Variants in DIAPH2 observed in about 807,000 individuals in gnomAD.
The protein encoded by DIAPH2 is protein diaphanous homolog 2.
A neutral mutation model predicts 92.7 loss-of-function variants in DIAPH2; 35 were observed. That is an observed-to-expected ratio of 0.38 (90% CI 0.29 to 0.50). DIAPH2 has a LOEUF of 0.50. DIAPH2 is among the 20% of genes least tolerant of loss of function. The pLI is 0.94. For synonymous variants in DIAPH2, 301 were observed against 280.4 expected (o/e 1.07, Z -0.73); for missense variants, 701 against 819.5 (o/e 0.86, Z 1.77).
rs137919628 is a variant in DIAPH2, at chrX:97,394,148, A to C, written c.3145+10104A>C. Among the ~76,000 whole-genome samples the C allele has an allele frequency of 9.1e-3, 1,021 of 111,882 alleles. 7 individuals carry two copies. Among genetic ancestry groups the C allele is most frequent in the African/African-American group, 0.032 (972 of 30,840 alleles). ...TCTTACTGTCATACCCCAGACATTAAATTATAGTCACCAAAATTATAGATT... is the reference window on the plus strand; with the variant it reads ...TCTTACTGTCATACCCCAGACATTACATTATAGTCACCAAAATTATAGATT... On this transcript the variant is annotated intron_variant, in intron 25 of 26. Coordinates refer to ENST00000324765, the MANE Select transcript of DIAPH2 (RefSeq NM_006729.5).
chrX:97,554,620 T>C (rs1032953000), intron 26 of DIAPH2, among the ~76,000 whole-genome samples: 4 of 111,750 alleles, frequency 3.6e-5, no homozygotes, highest in Admixed American at 1.9e-4. Context: ...AAAGGCAAGA[T>C]AGAATAATGG....
chrX:96,994,575 T>C (rs1003206866), intron 17 of DIAPH2, among the ~76,000 whole-genome samples: 4 of 111,606 alleles, frequency 3.6e-5, no homozygotes, highest in Admixed American at 1.9e-4. Context: ...ATAAAATTAC[T>C]GTATTAGTCC....
At chrX:97,085,310 TAAC>T (rs2066775397) in intron 19 of DIAPH2, among the ~76,000 whole-genome samples, 1 of 112,311 alleles carries the variant, frequency 8.9e-6, no homozygotes, top group Admixed American at 9.4e-5. Context: ...ACCTAAAAAG[TAAC>T]AACATGACCT....
chrX:97,184,382 C>G (rs1266952313), intron 22 of DIAPH2, among the ~76,000 whole-genome samples: 1 of 111,408 alleles, frequency 9.0e-6, no homozygotes, highest in Non-Finnish European at 1.9e-5. Flanking sequence ...CGTGTAGATA[C>G]ATATACATGC....
At chrX:97,469,067 T>A (rs1016666313) in intron 26 of DIAPH2, among the ~76,000 whole-genome samples, 4 of 112,047 alleles carry the variant, frequency 3.6e-5, no homozygotes, top group African/African-American at 1.3e-4. Context: ...TTTCTAATAA[T>A]TAGAATGAAT....
At chrX:97,123,337 G>A (rs769302620) in intron 21 of DIAPH2, among the ~76,000 whole-genome samples, 33 of 111,714 alleles carry the variant, frequency 3.0e-4, no homozygotes, top group Admixed American at 2.7e-3. Flanking sequence ...GTTGTGTCAT[G>A]GGTTTTTGTT....
chrX:97,418,662 G>C (rs2069974798), intron 25 of DIAPH2, among the ~76,000 whole-genome samples: 1 of 111,851 alleles, frequency 8.9e-6, no homozygotes, highest in African/African-American at 3.3e-5. Context: ...TTCTGAGATG[G>C]CAATCTAGTT....
chrX:97,577,249 T>G (rs1197222393), intron 26 of DIAPH2, among the ~76,000 whole-genome samples: 1 of 112,349 alleles, frequency 8.9e-6, no homozygotes, highest in African/African-American at 3.2e-5. Flanking sequence ...TGCACGAATA[T>G]GTATATATGG....
chrX:97,275,647 G>A (rs897450213), intron 23 of DIAPH2, among the ~76,000 whole-genome samples: 4 of 107,376 alleles, frequency 3.7e-5, no homozygotes, highest in African/African-American at 1.4e-4. Context: ...ACGGGGTTGC[G>A]GCCGGACAGA....
intron 4 of DIAPH2, among the ~76,000 whole-genome samples, chrX:96,779,611 T>A (rs2147623776): frequency 8.9e-6 from 1 of 112,619 alleles, no homozygotes; most frequent in African/African-American, 3.2e-5. Context: ...TACTTCAGAT[T>A]GCTATTTGAA....
intron 25 of DIAPH2, among the ~76,000 whole-genome samples, chrX:97,410,212 G>C (rs938719742): frequency 8.9e-6 from 1 of 112,194 alleles, no homozygotes; most frequent in African/African-American, 3.2e-5. Context: ...TGCAGTGTTT[G>C]CTGTTCTGCA....
intron 21 of DIAPH2, among the ~76,000 whole-genome samples, chrX:97,130,049 A>G (rs1219372595): frequency 8.9e-6 from 1 of 112,104 alleles, no homozygotes; most frequent in Non-Finnish European, 1.9e-5. Flanking sequence ...AATCAAAACC[A>G]CAATGAAATA....
In DIAPH2 at chrX:97,486,210, C is replaced by T. The variant is rs767104884; in HGVS notation, c.3241+56465C>T. Among the ~76,000 whole-genome samples, 12 of 111,523 alleles carry T rather than the reference C, an allele frequency of 1.1e-4. No individual in the cohort carries two copies. The South Asian group carries it at 4.5e-3, about 42-fold the overall frequency. The stretch of plus-strand genomic sequence containing the variant: ...TATTATTCAATTGCAATGTTATATA[C>T]TCCATAACTTAAGCAAATGAGTAGT... On this transcript the variant is annotated intron_variant, in intron 26 of 26. Transcript: ENST00000324765.
chrX:96,777,072 T>G (rs1318266971), intron 4 of DIAPH2, among the ~76,000 whole-genome samples: 1 of 111,971 alleles, frequency 8.9e-6, no homozygotes, highest in Non-Finnish European at 1.9e-5. Flanking sequence ...AGATGATAGC[T>G]TCTAATAGCA....
chrX:96,871,254 G>A (rs2065139681), intron 4 of DIAPH2, among the ~76,000 whole-genome samples: 1 of 110,057 alleles, frequency 9.1e-6, no homozygotes, highest in African/African-American at 3.3e-5. Flanking sequence ...GGATCATGAG[G>A]TCAGGAGATC....
At chrX:97,079,888 G>A (rs1438246140) in intron 19 of DIAPH2, among the ~76,000 whole-genome samples, 2 of 111,108 alleles carry the variant, frequency 1.8e-5, no homozygotes, top group Non-Finnish European at 1.9e-5. Context: ...TATTTCCTTC[G>A]ATATGTCAGA....
In DIAPH2 at chrX:97,112,773, T is replaced by C. The variant is rs1433610180; in HGVS notation, c.2350-1953T>C. ...CTTCTTTCCCTTTCTTTCTTTTTTTTTTTTTTTTTTTTTTTTTTTTTTGAG... is the reference window on the plus strand; with the variant it reads ...CTTCTTTCCCTTTCTTTCTTTTTTTCTTTTTTTTTTTTTTTTTTTTTTGAG... On this transcript the variant is annotated intron_variant, in intron 20 of 26. Coordinates refer to ENST00000324765, the MANE Select transcript of DIAPH2 (RefSeq NM_006729.5). Among the ~76,000 whole-genome samples the C allele has an allele frequency of 3.0e-4, 20 of 65,866 alleles. 1 individual carries two copies. Among genetic ancestry groups the C allele is most frequent in the African/African-American group, 4.6e-4 (7 of 15,243 alleles). The allele number at this position is 65,866 out of a possible 115,157, so 57.2% of individuals were successfully genotyped here. A position where few individuals can be genotyped will look rare whatever the true frequency, so the allele number is the denominator to read the frequency against.
At chrX:97,156,774 A>G (rs2067326095) in intron 22 of DIAPH2, among the ~76,000 whole-genome samples, 1 of 112,026 alleles carries the variant, frequency 8.9e-6, no homozygotes, top group Non-Finnish European at 1.9e-5. Context: ...ATTTGAAATT[A>G]CCTATATCTT....
chrX:97,292,474 T>A (rs768222304), intron 23 of DIAPH2, among the ~76,000 whole-genome samples: 52 of 111,723 alleles, frequency 4.7e-4, no homozygotes, highest in African/African-American at 1.7e-3. Flanking sequence ...TTTAATCAGA[T>A]GTTAAAAATT....
Sources: gnomAD v4.1 joint callset for allele counts (sites outside exome capture counted in the v4.1 genomes callset) on GRCh38, gnomAD v4.1.1 for gene constraint, MANE v1.5 for transcripts, NCBI Gene and HGNC (gene_info 2026-07-23, HGNC 2026-07-21) for gene names.